USP9X: variants seen among roughly 807,000 people sequenced by gnomAD.
USP9X encodes the protein ubiquitin specific peptidase 9 X-linked, also known as ubiquitin carboxyl-terminal hydrolase 9X.
A neutral mutation model predicts 190.3 loss-of-function variants in USP9X; 7 were observed. The ratio of observed to expected loss-of-function variants is 0.04; its 90% CI spans 0.02 to 0.07. The LOEUF is 0.07. USP9X is among the 10% of genes least tolerant of loss of function. The pLI is 1.00. For missense variants in USP9X, 1,010 were observed against 1,916.9 expected (o/e 0.53, Z 8.83); for synonymous variants, 645 against 659.5 (o/e 0.98, Z 0.34).
At chrX:41,217,574 A>G (rs1205135439) in intron 36 of USP9X, among the ~76,000 whole-genome samples, 3 of 111,455 alleles carry the variant, frequency 2.7e-5, no homozygotes, top group African/African-American at 9.8e-5. Context: ...CATATCTTTG[A>G]CATCCCTGCA....
rs2061907610 is a variant in USP9X at position 41,086,020 on chromosome X, G to A, written c.-248G>A. 2 of 297,924 alleles carry A rather than the reference G, an allele frequency of 6.7e-6. No individual in the cohort carries two copies. The highest frequency in any genetic ancestry group is 9.5e-5 in the East Asian group (2 of 21,047). The allele number at this position is 297,924 out of a possible 1,213,427, so 24.6% of individuals were successfully genotyped here. Reference sequence around the variant, plus strand: ...CCCCCGGGCCTGGGATGCACCCAGGGTAGGTCTCGTCCCGGGACCGAGCCC... The same window carrying A: ...CCCCCGGGCCTGGGATGCACCCAGGATAGGTCTCGTCCCGGGACCGAGCCC... On this transcript the variant is annotated 5_prime_UTR_variant, in exon 1 of 45. Transcript: ENST00000378308.
At chrX:41,226,240 G>A (rs1269171956) in intron 41 of USP9X, among the ~76,000 whole-genome samples, 1 of 111,987 alleles carries the variant, frequency 8.9e-6, no homozygotes, top group Non-Finnish European at 1.9e-5. Context: ...AAAAACTAAG[G>A]TTATCCAGCT....
chrX:41,147,664 G>A (rs1487757556), intron 11 of USP9X, among the ~76,000 whole-genome samples: 1 of 110,879 alleles, frequency 9.0e-6, no homozygotes, highest in Non-Finnish European at 1.9e-5. Context: ...TGTTAGCCAG[G>A]CTGATCTTGA....
In USP9X at chrX:41,181,510, G is replaced by A. The variant is rs185942905; in HGVS notation, c.3149-2488G>A. Among the ~76,000 whole-genome samples the A allele has an allele frequency of 1.3e-4, 13 of 99,126 alleles. No individual in the cohort carries two copies. The East Asian group carries it at 2.9e-3, about 22-fold the overall frequency. The allele number at this position is 99,126 out of a possible 115,157, so 86.1% of individuals were successfully genotyped here. On this transcript the variant is annotated intron_variant, in intron 21 of 44. Coordinates refer to ENST00000378308, the MANE Select transcript of USP9X (RefSeq NM_001039591.3). Reference sequence around the variant, plus strand: ...GTCGCCCAGGCTGCAATGCAGTGGCGCAGTCTCTGCTTACTGCAGCCTGTG... The same window carrying A: ...GTCGCCCAGGCTGCAATGCAGTGGCACAGTCTCTGCTTACTGCAGCCTGTG...
chrX:41,090,828 A>G (rs1324280920), intron 1 of USP9X, among the ~76,000 whole-genome samples: 1 of 111,429 alleles, frequency 9.0e-6, no homozygotes, highest in African/African-American at 3.3e-5. Context: ...AAGCTCAAAC[A>G]CTAGAAGAGA....
intron 33 of USP9X, among the ~76,000 whole-genome samples, chrX:41,211,762 T>G (rs1397056600): frequency 9.5e-6 from 1 of 104,724 alleles, no homozygotes; most frequent in Non-Finnish European, 2.0e-5. Context: ...AGGTGAGGGG[T>G]GCCTCTGCCC....
intron 32 of USP9X, among the ~76,000 whole-genome samples, chrX:41,206,081 G>A (rs922499381): frequency 1.0e-4 from 11 of 109,038 alleles, no homozygotes; most frequent in African/African-American, 3.7e-4. Flanking sequence ...TAGTGGAGAC[G>A]GGGTTTTACC....
In USP9X at chrX:41,218,429, T is replaced by C. The variant is rs746438922; in HGVS notation, c.6267T>C (p.Ala2089=). 1.3e-5 allele frequency: 16 copies of C among 1,209,862 alleles called. No homozygotes were observed. The Admixed American group carries it at 3.5e-4, about 26-fold the overall frequency. The part of the protein sequence containing the change: ...RHSKNVRFWF[A]HNVLFNVSNR... ...GCAAGAATGTACGTTTTTGGTTTGCTCATAACGTCCTTTTTAATGTTTCAA... is the reference window on the plus strand; with the variant it reads ...GCAAGAATGTACGTTTTTGGTTTGCCCATAACGTCCTTTTTAATGTTTCAA... Residue 2089 remains alanine (A), a synonymous_variant, in exon 37 of 45, where the codon GCT becomes GCC. Coordinates refer to ENST00000378308, the MANE Select transcript of USP9X (RefSeq NM_001039591.3).
intron 20 of USP9X, 81 bp downstream of exon 20, chrX:41,170,700 T>G: frequency 1.0e-6 from 1 of 989,780 alleles, no homozygotes; most frequent in Non-Finnish European, 1.3e-6. Context: ...GAGTGGTTCT[T>G]TCTTTTCTTG....
rs1473258784 is a variant in USP9X at position 41,205,363 on chromosome X, G to T, written c.4885G>T (p.Ala1629Ser). The T allele has an allele frequency of 1.7e-6, 2 of 1,204,562 alleles. No homozygotes were observed. The highest frequency in any genetic ancestry group is 1.8e-5 in the African/African-American group (1 of 56,892). Residue 1629 changes from alanine (A) to serine (S), a missense_variant, in exon 32 of 45, where the codon GCA (alanine) becomes TCA (serine). This residue lies in a region of USP9X where 120 missense variants were observed against 342.7 expected (regional missense o/e 0.35). Coordinates refer to ENST00000378308, the MANE Select transcript of USP9X (RefSeq NM_001039591.3). ...TCCTCAACAATTTGAAGATAAACCAGCATTAAGTAAAACTGAAGATAGAAA... is the reference window on the plus strand; with the variant it reads ...TCCTCAACAATTTGAAGATAAACCATCATTAAGTAAAACTGAAGATAGAAA... ...GYPQQFEDKPALSKTEDRKEY... is the reference protein window; with the variant it reads ...GYPQQFEDKPSLSKTEDRKEY...
chrX:41,197,352 C>CCCCCT lies in USP9X; in HGVS notation c.4234-12_4234-11insCCCCT. The stretch of plus-strand genomic sequence containing the variant: ...TTCTTCCCCCCCCCACCCCACCCCC[C>CCCCCT]GCCTTTGGCAGGATGATGTTAAAAG... On this transcript the variant is annotated splice_polypyrimidine_tract_variant and intron_variant, in intron 28 of 44. Coordinates refer to ENST00000378308, the MANE Select transcript of USP9X (RefSeq NM_001039591.3). 1.0e-6 allele frequency: 1 copy of CCCCCT among 988,230 alleles called. No homozygotes were observed. The highest frequency in any genetic ancestry group is 1.3e-6 in the Non-Finnish European group (1 of 759,397). The allele number at this position is 988,230 out of a possible 1,213,427, so 81.4% of individuals were successfully genotyped here.
At chrX:41,157,331 G>A (rs983269585) in intron 14 of USP9X, among the ~76,000 whole-genome samples, 4 of 111,111 alleles carry the variant, frequency 3.6e-5, no homozygotes, top group Non-Finnish European at 7.5e-5. Context: ...TAAACTTTCT[G>A]AGTGGTGTGA....
At chrX:41,154,938 T>C (rs149775917) in intron 14 of USP9X, among the ~76,000 whole-genome samples, 3,990 of 111,925 alleles carry the variant, frequency 0.036, 172 homozygotes, top group African/African-American at 0.12. Context: ...AATTCTTCTA[T>C]TAAACTTTTT....
chrX:41,197,561 T>G (rs1252556533), intron 29 of USP9X, 51 bp downstream of exon 29: 2 of 1,055,600 alleles, frequency 1.9e-6, no homozygotes, highest in Non-Finnish European at 2.5e-6. Flanking sequence ...CTTCTAAATG[T>G]TTATAATCAA....
At position 41,085,749 on chromosome X, in the gene USP9X, G is replaced by A. The variant is rs759028485; in HGVS notation, c.-519G>A. On this transcript the variant is annotated 5_prime_UTR_variant, in exon 1 of 45. Coordinates refer to ENST00000378308, the MANE Select transcript of USP9X (RefSeq NM_001039591.3). The stretch of plus-strand genomic sequence containing the variant: ...GCGGCGACTAGGGGAAGGTGAAGCC[G>A]TCGCTGCAGGAGGAGGAGCAGGAGG... 1.0e-5 allele frequency: 3 copies of A among 297,537 alleles called. No homozygotes were observed. The highest frequency in any genetic ancestry group is 2.7e-5 in the African/African-American group (1 of 36,485). 24.5% of individuals were successfully genotyped at this position (297,537 alleles called of 1,213,427 possible).
At chrX:41,190,292 A>C (rs1311233663) in intron 26 of USP9X, among the ~76,000 whole-genome samples, 1 of 111,119 alleles carries the variant, frequency 9.0e-6, no homozygotes, top group African/African-American at 3.3e-5. Flanking sequence ...GGTAGGGTTC[A>C]ACTTGCCCAC....
At chrX:41,165,798 T>C in intron 15 of USP9X, 74 bp from the exon 16 acceptor site, 6 of 801,344 alleles carry the variant, frequency 7.5e-6, no homozygotes, top group Non-Finnish European at 1.1e-5. Context: ...AAATGTATTT[T>C]ATAGGTAATA....
In USP9X at chrX:41,216,232, G is replaced by T. The variant is rs764408444; in HGVS notation, c.5665G>T (p.Gly1889Cys). Residue 1889 changes from glycine to cysteine, a missense_variant, in exon 35 of 45, where the codon GGT becomes TGT. By Grantham distance (159) the Gly-to-Cys change is radical. Transcript: ENST00000378308. ...TTATTCTTACATCATCCAAAGGAAT[G>T]GTGGAGATGGTGAGAGAAATCGCTG... is the stretch of plus-strand genomic sequence containing the variant. ...HYYSYIIQRN[G>C]GDGERNRWYK... 25 of 1,209,570 alleles carry T rather than the reference G, an allele frequency of 2.1e-5. No homozygotes were observed. The highest frequency in any genetic ancestry group is 2.6e-5 in the Non-Finnish European group (23 of 895,173).
At chrX:41,132,295 A>ATTTTTT (rs11356870) in intron 4 of USP9X, among the ~76,000 whole-genome samples, 2 of 54,584 alleles carry the variant, frequency 3.7e-5, no homozygotes, top group African/African-American at 9.2e-5. Flanking sequence ...ATGCCCACTA[A>ATTTTTT]TTTTTTTTTT....
Sources: allele counts gnomAD v4.1 joint callset (sites outside exome capture counted in the v4.1 genomes callset), GRCh38; gene constraint gnomAD v4.1.1; regional missense constraint gnomAD v4.1.1; transcripts MANE v1.5; gene names NCBI Gene and HGNC (gene_info 2026-07-23, HGNC 2026-07-21).